SOBP: variants seen among roughly 807,000 people sequenced by gnomAD.
SOBP encodes sine oculis binding protein homolog.
Under a neutral mutation model 53.6 loss-of-function variants are expected in SOBP, and 4 were observed. The ratio of observed to expected loss-of-function variants is 0.07; its 90% CI spans 0.04 to 0.17. The LOEUF (loss-of-function observed/expected upper bound fraction) is 0.17, where lower values mean the gene tolerates loss of function less well. Ranked by LOEUF, SOBP falls within the 10% of genes least tolerant of loss-of-function variation. The pLI, the probability that SOBP is intolerant of heterozygous loss-of-function variation, is 1.00. For missense variants in SOBP, 1,088 were observed against 1,204.7 expected, an observed-to-expected ratio of 0.90 and a Z score of 1.43; for synonymous variants, 584 against 522.6, an observed-to-expected ratio of 1.12 and a Z score of -1.60.
At chr6:107,651,945 GA>G in intron 6 of SOBP, among the ~76,000 whole-genome samples, 1 of 152,286 alleles carries the variant, frequency 6.6e-6, no homozygotes, top group South Asian at 2.1e-4. Context: ...CCACTGTTGA[GA>G]CCCACTGCTC....
At chr6:107,549,428 C>A (rs1784402394) in intron 4 of SOBP, among the ~76,000 whole-genome samples, 3 of 138,594 alleles carry the variant, frequency 2.2e-5, no homozygotes, top group South Asian at 2.4e-4. Flanking sequence ...TCAAAATAAC[C>A]AGAATTAAAT....
chr6:107,493,567 G>T (rs1007268544), intron 1 of SOBP, among the ~76,000 whole-genome samples: 2 of 152,200 alleles, frequency 1.3e-5, no homozygotes, highest in African/African-American at 4.8e-5. Context: ...TTCAACACTG[G>T]TTGGATTGAG....
chr6:107,643,997 AC>A (rs1018569229), intron 6 of SOBP, among the ~76,000 whole-genome samples: 2 of 152,222 alleles, frequency 1.3e-5, no homozygotes, highest in Non-Finnish European at 1.5e-5. Flanking sequence ...AAGTGTTCTA[AC>A]CTGAACCGTA....
intron 4 of SOBP, among the ~76,000 whole-genome samples, chr6:107,546,449 G>T: frequency 6.6e-6 from 1 of 152,164 alleles, no homozygotes; most frequent in African/African-American, 2.4e-5. Flanking sequence ...AAAATAGCAC[G>T]TATACTTGAG....
chr6:107,601,525 G>A (rs138371458), intron 5 of SOBP, among the ~76,000 whole-genome samples: 30 of 152,270 alleles, frequency 2.0e-4, no homozygotes, highest in African/African-American at 6.3e-4. Flanking sequence ...AAACACTTTC[G>A]AAATTACTTT....
chr6:107,646,182 G>T (rs1044689965), intron 6 of SOBP, among the ~76,000 whole-genome samples: 4 of 152,238 alleles, frequency 2.6e-5, no homozygotes, highest in African/African-American at 9.6e-5. Context: ...ATTGCAGAAC[G>T]TCATCGCTGG....
intron 5 of SOBP, among the ~76,000 whole-genome samples, chr6:107,620,934 C>T (rs986111668): frequency 6.6e-6 from 1 of 152,198 alleles, no homozygotes; most frequent in Non-Finnish European, 1.5e-5. Flanking sequence ...ATCTCATTTC[C>T]TCCTTCAGAG....
At chr6:107,522,995 G>A (rs897512202) in intron 3 of SOBP, among the ~76,000 whole-genome samples, 2 of 152,196 alleles carry the variant, frequency 1.3e-5, no homozygotes, top group Non-Finnish European at 2.9e-5. Flanking sequence ...GGTGGGAAAC[G>A]CAGTGAAGGG....
chr6:107,565,837 T>C (rs1242027947), intron 4 of SOBP, among the ~76,000 whole-genome samples: 1 of 152,094 alleles, frequency 6.6e-6, no homozygotes, highest in Non-Finnish European at 1.5e-5. Context: ...AAAAGGAAAT[T>C]GGAATGGGAA....
At chr6:107,498,094 A>G (rs1782745078) in intron 1 of SOBP, among the ~76,000 whole-genome samples, 1 of 152,146 alleles carries the variant, frequency 6.6e-6, no homozygotes. Flanking sequence ...AATATTTGTG[A>G]CTGGATTAAG....
rs558752425 is a variant in SOBP, at chr6:107,653,208, T to TA, written c.*4-4994dup. On this transcript the variant is annotated intron_variant, in intron 6 of 6. Transcript: ENST00000317357. Reference sequence around the variant, plus strand: ...GAGGAGAGAAGGAATCGTGTTTTGGTAAAAACCTTCCTTCCTGGGATGGGT... The same window carrying TA: ...GAGGAGAGAAGGAATCGTGTTTTGGTAAAAAACCTTCCTTCCTGGGATGGGT... Among the ~76,000 whole-genome samples, 285 of 152,358 alleles carry TA rather than the reference T, an allele frequency of 1.9e-3. 1 individual carries two copies. Among genetic ancestry groups the TA allele is most frequent in the African/African-American group, 6.4e-3 (265 of 41,588 alleles).
At position 107,635,260 on chromosome 6, in the gene SOBP, C is replaced by A; in HGVS notation, c.2416C>A (p.Leu806Ile). The change falls in exon 6 of 7, where the codon CTT becomes ATT. Residue 806 changes from leucine (L) to isoleucine (I), a missense_variant. Coordinates refer to ENST00000317357, the MANE Select transcript of SOBP (RefSeq NM_018013.4). This position sits in a 1 kb window ranked among gnomAD's most constrained non-coding sequence, Gnocchi z 4.5. The stretch of plus-strand genomic sequence containing the variant: ...GGGGGGCGACAAGTCAGACCCGAAC[C>A]TTAATAACCCCGCGGACGAGGACCA... ...LAGGDKSDPN[L>I]NNPADEDHAY... 2 of 1,613,958 alleles carry A rather than the reference C, an allele frequency of 1.2e-6. No individual in the cohort carries two copies. Among genetic ancestry groups the A allele is most frequent in the Non-Finnish European group, 1.7e-6 (2 of 1,180,002 alleles).
intron 3 of SOBP, among the ~76,000 whole-genome samples, chr6:107,510,240 A>G (rs908785843): frequency 1.3e-5 from 2 of 152,224 alleles, no homozygotes; most frequent in African/African-American, 4.8e-5. Flanking sequence ...CAAAAAAAAC[A>G]GTGGGCAGGG....
In SOBP at chr6:107,490,484, C is replaced by A. The variant is rs1274121150; in HGVS notation, c.-133C>A. The stretch of plus-strand genomic sequence containing the variant: ...CTGCCCTCCCCCTCGCGGCTCGGTC[C>A]GGCCCCGCCAGCACCGCTACCTCCG... On this transcript the variant is annotated 5_prime_UTR_variant, in exon 1 of 7. Coordinates refer to ENST00000317357, the MANE Select transcript of SOBP (RefSeq NM_018013.4). 2 of 673,358 alleles carry A rather than the reference C, an allele frequency of 3.0e-6. No homozygotes were observed. Among genetic ancestry groups the A allele is most frequent in the Non-Finnish European group, 5.2e-6 (2 of 381,058 alleles). The allele number at this position is 673,358 out of a possible 1,614,324, so 41.7% of individuals were successfully genotyped here.
intron 5 of SOBP, among the ~76,000 whole-genome samples, chr6:107,623,442 T>C (rs1770307822): frequency 6.6e-6 from 1 of 152,110 alleles, no homozygotes; most frequent in Non-Finnish European, 1.5e-5. Context: ...TGGTTTCCAT[T>C]GTCTCCGTAA....
intron 1 of SOBP, among the ~76,000 whole-genome samples, chr6:107,493,163 A>G (rs1782618439): frequency 1.3e-5 from 2 of 152,160 alleles, no homozygotes; most frequent in Admixed American, 6.5e-5. Flanking sequence ...GTTGCCCTGT[A>G]TATAAATGTG....
intron 4 of SOBP, among the ~76,000 whole-genome samples, chr6:107,582,034 T>G (rs1221447393): frequency 1.3e-5 from 2 of 152,180 alleles, no homozygotes; most frequent in Non-Finnish European, 2.9e-5. Context: ...AATCCTGAGA[T>G]CACAATGACA....
rs926548581 is a variant in SOBP at position 107,611,625 on chromosome 6, G to A, written c.670-21889G>A. ...GGCCGGGCCAGCATTGGACTCACCCGTGTTGTTGCCATGACTATTTACATG... is the reference window on the plus strand; with the variant it reads ...GGCCGGGCCAGCATTGGACTCACCCATGTTGTTGCCATGACTATTTACATG... On this transcript the variant is annotated intron_variant, in intron 5 of 6. Transcript: ENST00000317357. Among the ~76,000 whole-genome samples the A allele has an allele frequency of 5.9e-5, 9 of 152,164 alleles. No individual in the cohort carries two copies. In the South Asian group the frequency reaches 6.2e-4, roughly 11 times the overall value.
intron 6 of SOBP, among the ~76,000 whole-genome samples, chr6:107,644,508 C>T (rs1023393978): frequency 6.6e-6 from 1 of 152,154 alleles, no homozygotes; most frequent in Admixed American, 6.5e-5. Context: ...CCTGTTTGTG[C>T]ACTTAATATG....
Sources: gnomAD v4.1 joint callset for allele counts (sites outside exome capture counted in the v4.1 genomes callset) on GRCh38, gnomAD v4.1.1 for gene constraint, Gnocchi (gnomAD v3.1) non-coding constraint, MANE v1.5 for transcripts, NCBI Gene and HGNC (gene_info 2026-07-23, HGNC 2026-07-21) for gene names.